Variants in LRRC27 observed in about 807,000 individuals in gnomAD.
LRRC27 encodes leucine rich repeat containing 27.
A neutral mutation model predicts 55.0 loss-of-function variants in LRRC27; 57 were observed. The observed-to-expected ratio is 1.04, with a 90% confidence interval of 0.84 to 1.29. The LOEUF (loss-of-function observed/expected upper bound fraction) is 1.29, where lower values mean the gene tolerates loss of function less well. Ranked by LOEUF, LRRC27 falls within the 50% of genes most tolerant of loss-of-function variation. The probability of loss-of-function intolerance (pLI) is 0.00; values close to 1 mark genes in which losing one functional copy is unlikely to be tolerated. For missense variants in LRRC27, 721 were observed against 651.5 expected, an observed-to-expected ratio of 1.11 and a Z score of -1.16; for synonymous variants, 278 against 251.9, an observed-to-expected ratio of 1.10 and a Z score of -0.98.
intron 10 of LRRC27, among the ~76,000 whole-genome samples, chr10:132,371,282 G>A (rs1161686678): frequency 1.3e-5 from 2 of 152,040 alleles, no homozygotes; most frequent in Admixed American, 1.3e-4. Flanking sequence ...TGCCAAATGG[G>A]GGAAGTAGGA....
chr10:132,361,802 C>T (rs2068628665), intron 9 of LRRC27, among the ~76,000 whole-genome samples: 1 of 152,070 alleles, frequency 6.6e-6, no homozygotes, highest in Non-Finnish European at 1.5e-5. Flanking sequence ...CCAGCCATGG[C>T]TCCTGTAGGT....
At chr10:132,347,586 C>T (rs1180883443) in intron 5 of LRRC27, among the ~76,000 whole-genome samples, 2 of 140,502 alleles carry the variant, frequency 1.4e-5, no homozygotes, top group African/African-American at 2.7e-5. Flanking sequence ...GTGGGGCCTG[C>T]GTGGGAGGGT....
rs2069397542 is a variant in LRRC27, at chr10:132,380,490, A to G, written c.*5248A>G. On this transcript the variant is annotated 3_prime_UTR_variant, in exon 11 of 11. Coordinates refer to ENST00000368614, the MANE Select transcript of LRRC27 (RefSeq NM_030626.3). ...TCATGTCTTCAGTACATTGTGTATC[A>G]CGGTAAAAAGTGATCTGTTTTAACT... is the stretch of plus-strand genomic sequence containing the variant. Among the ~76,000 whole-genome samples the G allele has an allele frequency of 6.6e-6, 1 of 151,870 alleles. No homozygotes were observed. The highest frequency in any genetic ancestry group is 6.6e-5 in the Admixed American group (1 of 15,244).
rs552105318 is a variant in LRRC27 at position 132,374,793 on chromosome 10, TG to T, written c.1417-269del. Among the ~76,000 whole-genome samples, 9 of 152,260 alleles carry T rather than the reference TG, an allele frequency of 5.9e-5. No individual in the cohort carries two copies. The East Asian group carries it at 1.5e-3, about 26-fold the overall frequency. ...TGCACAGGACACCTGGGTGGGGCCG[TG>T]GGGACACCAGGATGAGTGGCCATGT... On this transcript the variant is annotated intron_variant, in intron 10 of 10. Coordinates refer to ENST00000368614, the MANE Select transcript of LRRC27 (RefSeq NM_030626.3). This position sits in a 1 kb window ranked among gnomAD's most constrained non-coding sequence, Gnocchi z 4.4.
chr10:132,355,928 C>G (rs1364305559), intron 8 of LRRC27, 42 bp downstream of exon 8: 1 of 1,389,394 alleles, frequency 7.2e-7, no homozygotes, highest in Admixed American at 2.0e-5. Context: ...AGTCCAGTCC[C>G]GGGGGTGGGT....
At chr10:132,358,267 G>A (rs188240711) in intron 8 of LRRC27, among the ~76,000 whole-genome samples, 13 of 152,334 alleles carry the variant, frequency 8.5e-5, no homozygotes, top group East Asian at 3.9e-4. Context: ...GACGTGAGGC[G>A]CCTGTGTGGT....
intron 4 of LRRC27, among the ~76,000 whole-genome samples, chr10:132,344,136 T>C (rs1044251681): frequency 6.6e-6 from 1 of 152,236 alleles, no homozygotes; most frequent in African/African-American, 2.4e-5. Flanking sequence ...CGTTCCTGAG[T>C]GTAGGGTACA....
intron 9 of LRRC27, 139 bp downstream of exon 9, chr10:132,361,714 T>C (rs563497524): frequency 3.0e-6 from 2 of 666,832 alleles, no homozygotes; most frequent in South Asian, 1.7e-5. Flanking sequence ...TGTGGCGGGC[T>C]CCAGGCTGTG....
At chr10:132,364,472 T>G (rs61864517) in intron 9 of LRRC27, among the ~76,000 whole-genome samples, 1 of 62,182 alleles carries the variant, frequency 1.6e-5, no homozygotes, top group South Asian at 4.9e-4. Context: ...CACCCACACT[T>G]ACACCCACCC....
intron 7 of LRRC27, among the ~76,000 whole-genome samples, chr10:132,354,091 C>G (rs914465415): frequency 6.6e-6 from 1 of 152,256 alleles, no homozygotes; most frequent in Non-Finnish European, 1.5e-5. Context: ...ATGAGACCTT[C>G]CGCAGGCACA....
chr10:132,361,821 T>C (rs996192759), intron 9 of LRRC27, among the ~76,000 whole-genome samples: 2 of 152,028 alleles, frequency 1.3e-5, no homozygotes, highest in African/African-American at 4.8e-5. Context: ...GTCACCAGGA[T>C]ACAGAGTGCT....
In LRRC27 at chr10:132,355,818, G is replaced by A. The variant is rs1223817257; in HGVS notation, c.1102G>A (p.Glu368Lys). Reference sequence around the variant, plus strand: ...GAAAAGGGCACTGCAGGAGTGGAGAGAGCGAGCCCAGAGGATGAGGAAGAG... The same window carrying A: ...GAAAAGGGCACTGCAGGAGTGGAGAAAGCGAGCCCAGAGGATGAGGAAGAG... ...REKRALQEWR[E>K]RAQRMRKRKE... The change falls in exon 8 of 11, where the codon GAG (glutamate) becomes AAG (lysine). Residue 368 changes from glutamate (E) to lysine (K), a missense_variant. Physicochemically the swap from Glu to Lys is moderately conservative, Grantham distance 56 (BLOSUM62 1). Transcript: ENST00000368614. 1 of 1,556,382 alleles carries A rather than the reference G, an allele frequency of 6.4e-7. No homozygotes were observed. Among genetic ancestry groups the A allele is most frequent in the East Asian group, 2.4e-5 (1 of 41,210 alleles).
rs1484873813 is a variant in LRRC27, at chr10:132,348,809, G to A, written c.926+453G>A. On this transcript the variant is annotated intron_variant, in intron 6 of 10. Transcript: ENST00000368614. The surrounding 1 kb of genome is among the most constrained non-coding windows in gnomAD (Gnocchi z 4.2). ...TCCACATTTTACCTGTGAAAAGAGA[G>A]GAGTTGGGGGAAAGGTCAGTTATGC... Among the ~76,000 whole-genome samples, 1 of 152,234 alleles carries A rather than the reference G, an allele frequency of 6.6e-6. No individual in the cohort carries two copies. Among genetic ancestry groups the A allele is most frequent in the Non-Finnish European group, 1.5e-5 (1 of 68,038 alleles).
Position 132,351,615 on chromosome 10 carries a change from C to G in LRRC27, c.935C>G (p.Thr312Arg). The change falls in exon 7 of 11, where the codon ACA becomes AGA. Residue 312 changes from threonine to arginine, a missense_variant. Thr to Arg is a moderately conservative substitution (Grantham distance 71). Coordinates refer to ENST00000368614, the MANE Select transcript of LRRC27 (RefSeq NM_030626.3). ...ACACTCTGTAATTTTAGAAGGAAGA[C>G]AGCCTCCTCCAGGAGCATCTTACCC... is the stretch of plus-strand genomic sequence containing the variant. ...PKPRHVFRRK[T>R]ASSRSILPDL... is the part of the protein sequence containing the mutation. 1 of 1,612,132 alleles carries G rather than the reference C, an allele frequency of 6.2e-7. No individual in the cohort carries two copies. The highest frequency in any genetic ancestry group is 8.5e-7 in the Non-Finnish European group (1 of 1,179,440).
chr10:132,356,376 TGGG>T (rs2068313859), intron 8 of LRRC27, among the ~76,000 whole-genome samples: 1 of 152,068 alleles, frequency 6.6e-6, no homozygotes, highest in Admixed American at 6.6e-5. Context: ...TCTTAAGCTA[TGGG>T]ACATGGGATA....
At chr10:132,338,044 G>A (rs961532660) in intron 3 of LRRC27, among the ~76,000 whole-genome samples, 3 of 152,208 alleles carry the variant, frequency 2.0e-5, no homozygotes, top group Non-Finnish European at 2.9e-5. Context: ...GGCCAGGCGC[G>A]GTGGCTCACG....
At chr10:132,359,314 A>C (rs1415340422) in intron 8 of LRRC27, among the ~76,000 whole-genome samples, 1 of 152,176 alleles carries the variant, frequency 6.6e-6, no homozygotes, top group Non-Finnish European at 1.5e-5. Flanking sequence ...GCATTTAGTT[A>C]CACAGAAGTG....
rs113966513 is a variant in LRRC27, at chr10:132,355,875, C to T, written c.1159C>T (p.Arg387Trp). 3.2e-5 allele frequency: 50 copies of T among 1,554,160 alleles called. 1 individual carries two copies. Among genetic ancestry groups the T allele is most frequent in the African/African-American group, 3.0e-4 (22 of 73,190 alleles). ...AGAGCTCAGCAAACTCCTGCCTCCG[C>T]GGAGGAGCATGGTACGGCACGCGCG... is the stretch of plus-strand genomic sequence containing the variant. ...KEELSKLLPP[R>W]RSMVASKIPS... is the part of the protein sequence containing the mutation. The change falls in exon 8 of 11, where the codon CGG becomes TGG. Residue 387 changes from arginine (R) to tryptophan (W), a missense_variant. Coordinates refer to ENST00000368614, the MANE Select transcript of LRRC27 (RefSeq NM_030626.3).
chr10:132,346,266 A>G (rs766451995), intron 5 of LRRC27, among the ~76,000 whole-genome samples: 23 of 151,808 alleles, frequency 1.5e-4, no homozygotes, highest in Non-Finnish European at 3.1e-4. Flanking sequence ...AAATACATTA[A>G]GTAACTGGTC....
Sources: allele counts gnomAD v4.1 joint callset (sites outside exome capture counted in the v4.1 genomes callset), GRCh38; gene constraint gnomAD v4.1.1; non-coding constraint Gnocchi (gnomAD v3.1); transcripts MANE v1.5; gene names NCBI Gene and HGNC (gene_info 2026-07-23, HGNC 2026-07-21).